The following GRM5 variants were observed in gnomAD, a reference collection of about 807,000 sequenced individuals.
GRM5 encodes glutamate metabotropic receptor 5.
GRM5 carries 19 observed loss-of-function variants against 83.1 expected under a neutral mutation model. That is an observed-to-expected ratio of 0.23 (90% confidence interval 0.16 to 0.34). GRM5 has a LOEUF of 0.34. Among genes scored for constraint, GRM5 ranks in the 10% least tolerant of loss-of-function variants. The probability of loss-of-function intolerance (pLI) is 1.00; values close to 1 mark genes in which losing one functional copy is unlikely to be tolerated. For synonymous variants in GRM5, 675 were observed against 633.6 expected, an observed-to-expected ratio of 1.07 and a Z score of -0.98; for missense variants, 1,160 against 1,588.3, an observed-to-expected ratio of 0.73 and a Z score of 4.58.
At chr11:88,711,466 T>C (rs1469687773) in intron 3 of GRM5, among the ~76,000 whole-genome samples, 2 of 152,092 alleles carry the variant, frequency 1.3e-5, no homozygotes, top group African/African-American at 4.8e-5. Context: ...TCTAATCAAA[T>C]GGCAAAGAGA....
intron 3 of GRM5, among the ~76,000 whole-genome samples, chr11:88,737,548 A>ATAAT (rs1941943295): frequency 6.6e-6 from 1 of 152,120 alleles, no homozygotes; most frequent in South Asian, 2.1e-4. Context: ...GAATGGAACA[A>ATAAT]TAATTACTGA....
chr11:88,864,068 T>A (rs1944615901), intron 2 of GRM5, among the ~76,000 whole-genome samples: 1 of 149,122 alleles, frequency 6.7e-6, no homozygotes, highest in Admixed American at 6.8e-5. Flanking sequence ...TCATAAAGTA[T>A]AATTTAAATG....
At chr11:88,746,335 C>T (rs1478203329) in intron 3 of GRM5, among the ~76,000 whole-genome samples, 1 of 151,982 alleles carries the variant, frequency 6.6e-6, no homozygotes, top group East Asian at 1.9e-4. Context: ...GTAGTTTTTC[C>T]CCTTTAATTT....
chr11:89,042,984 C>T (rs1941566344), intron 2 of GRM5, among the ~76,000 whole-genome samples: 1 of 152,020 alleles, frequency 6.6e-6, no homozygotes, highest in Admixed American at 6.6e-5. Context: ...TGTCATTAGA[C>T]AGAAATAATA....
chr11:88,720,799 TGTGTGTGTGTGTGTGTGTGTGC>T (rs929106750), intron 3 of GRM5, among the ~76,000 whole-genome samples: 13 of 120,228 alleles, frequency 1.1e-4, no homozygotes, highest in East Asian at 2.6e-4. Context: ...CATTACTCTG[TGTGTGTGTGTGTGTGTGTGTGC>T]GTGTGTGTGT....
At chr11:88,729,849 C>T (rs1292523964) in intron 3 of GRM5, among the ~76,000 whole-genome samples, 3 of 152,076 alleles carry the variant, frequency 2.0e-5, no homozygotes, top group Non-Finnish European at 4.4e-5. Flanking sequence ...AAAACTGGAC[C>T]CCTTCCTTAC....
At chr11:88,801,391 C>T (rs1457304956) in intron 3 of GRM5, among the ~76,000 whole-genome samples, 4 of 151,912 alleles carry the variant, frequency 2.6e-5, no homozygotes, top group Admixed American at 6.6e-5. Flanking sequence ...TGAGAGGCAC[C>T]CTCAAAGGTA....
intron 1 of GRM5, among the ~76,000 whole-genome samples, chr11:89,055,592 C>T (rs1941855397): frequency 1.3e-5 from 2 of 152,052 alleles, no homozygotes; most frequent in East Asian, 1.9e-4. Flanking sequence ...TTGAATTCAA[C>T]AAAATGTCAC....
intron 2 of GRM5, among the ~76,000 whole-genome samples, chr11:88,882,395 CA>C (rs11312148): frequency 0.73 from 100,172 of 136,806 alleles, 36,547 homozygotes; most frequent in East Asian, 0.9. Context: ...ACTAAAAATA[CA>C]AAAAAAAAAA....
chr11:89,024,301 T>C (rs1941073847), intron 2 of GRM5, among the ~76,000 whole-genome samples: 1 of 152,200 alleles, frequency 6.6e-6, no homozygotes. Context: ...TAAATACAGG[T>C]TCAGACAGCT....
chr11:88,830,744 G>A (rs1192576016), intron 3 of GRM5, among the ~76,000 whole-genome samples: 4 of 152,158 alleles, frequency 2.6e-5, no homozygotes, highest in Non-Finnish European at 4.4e-5. Flanking sequence ...CTGTGTATTC[G>A]TCTGTTTTTA....
intron 3 of GRM5, among the ~76,000 whole-genome samples, chr11:88,844,860 T>C (rs1944270304): frequency 2.0e-5 from 3 of 152,210 alleles, no homozygotes; most frequent in Admixed American, 6.5e-5. Flanking sequence ...AGTTCAAAGA[T>C]GGGACTGAAC....
chr11:88,998,422 A>T (rs1940265409), intron 2 of GRM5, among the ~76,000 whole-genome samples: 1 of 152,152 alleles, frequency 6.6e-6, no homozygotes, highest in South Asian at 2.1e-4. Flanking sequence ...ATAGAGAGAA[A>T]TTACTCAGCT....
chr11:88,951,541 A>C (rs1028185891), intron 2 of GRM5, among the ~76,000 whole-genome samples: 1 of 152,188 alleles, frequency 6.6e-6, no homozygotes, highest in African/African-American at 2.4e-5. Context: ...ACAATGGCTC[A>C]TATTATTCCC....
intron 3 of GRM5, among the ~76,000 whole-genome samples, chr11:88,743,971 G>A (rs1011012538): frequency 6.6e-6 from 1 of 152,118 alleles, no homozygotes; most frequent in East Asian, 1.9e-4. Context: ...GCTGTTTCAA[G>A]AAAATATTGA....
intron 2 of GRM5, among the ~76,000 whole-genome samples, chr11:88,853,537 G>A (rs780454169): frequency 1.3e-5 from 2 of 151,788 alleles, no homozygotes; most frequent in African/African-American, 4.8e-5. Flanking sequence ...AGATGTACAA[G>A]GTAAGAGATA....
chr11:88,757,410 A>C (rs1400820157), intron 3 of GRM5, among the ~76,000 whole-genome samples: 1 of 152,058 alleles, frequency 6.6e-6, no homozygotes, highest in Non-Finnish European at 1.5e-5. Flanking sequence ...TTGCAGTTGG[A>C]GCCTTTGTGA....
chr11:88,840,699 C>T (rs1455199661), intron 3 of GRM5, among the ~76,000 whole-genome samples: 1 of 152,146 alleles, frequency 6.6e-6, no homozygotes, highest in African/African-American at 2.4e-5. Context: ...CCTCTTCAAC[C>T]AGTTGATGAT....
At chr11:88,613,810 T>G (rs1020067612) in intron 4 of GRM5, among the ~76,000 whole-genome samples, 3 of 152,204 alleles carry the variant, frequency 2.0e-5, no homozygotes, top group Non-Finnish European at 4.4e-5. Context: ...AAAATTAAGT[T>G]GCACTTTGAA....
Sources: allele counts gnomAD v4.1 joint callset (sites outside exome capture counted in the v4.1 genomes callset), GRCh38; gene constraint gnomAD v4.1.1; transcripts MANE v1.5; gene names NCBI Gene and HGNC (gene_info 2026-07-23, HGNC 2026-07-21).